The following PKHD1L1 variants were observed in gnomAD, a reference collection of about 807,000 sequenced individuals.
PKHD1L1 encodes fibrocystin-L.
In PKHD1L1, 434 loss-of-function variants were observed where a neutral mutation model predicts 462.9. The ratio of observed to expected loss-of-function variants is 0.94; its 90% CI spans 0.87 to 1.02. The LOEUF is 1.02. Among genes scored for constraint, PKHD1L1 ranks in the 50% least tolerant of loss-of-function variants. The probability of loss-of-function intolerance (pLI) is 0.00; values close to 1 mark genes in which losing one functional copy is unlikely to be tolerated. For missense variants in PKHD1L1, 5,202 were observed against 5,096.1 expected (o/e 1.02, Z -0.63); for synonymous variants, 1,781 against 1,750.0 (o/e 1.02, Z -0.44).
At position 109,459,614 on chromosome 8, in the gene PKHD1L1, G is replaced by GA; in HGVS notation, c.7030dup (p.Met2344AsnfsTer9). 6.4e-7 allele frequency: 1 copy of GA among 1,566,414 alleles called. No homozygotes were observed. Among genetic ancestry groups the GA allele is most frequent in the Non-Finnish European group, 8.7e-7 (1 of 1,154,768 alleles). On this transcript the variant is annotated frameshift_variant, in exon 47 of 78. Transcript: ENST00000378402. LOFTEE classifies it high-confidence loss of function. ...TTACAGACACAGTCAAGGAGAGAAT[G>GA]AAAAAATGACCATTGCATCTGTGTC...
intron 33 of PKHD1L1, 129 bp downstream of exon 33, chr8:109,440,981 GTGTA>G (rs1586517324): frequency 2.6e-6 from 3 of 1,163,502 alleles, no homozygotes; most frequent in East Asian, 4.8e-5. Context: ...AAAAAGGTAA[GTGTA>G]TTTGGTTAAA....
Position 109,385,628 on chromosome 8 carries a change from G to T in PKHD1L1, c.567G>T (p.Leu189Phe). ...LSSNGKNVRI[L>F]RVYIGGMPCE... Reference sequence around the variant, plus strand: ...CAAATGGGAAAAATGTTAGGATTTTGAGGTAATCTTTTGATGTGGAAATAT... The same window carrying T: ...CAAATGGGAAAAATGTTAGGATTTTTAGGTAATCTTTTGATGTGGAAATAT... The change falls in exon 6 of 78, where the codon TTG (leucine) becomes TTT (phenylalanine). Residue 189 changes from leucine to phenylalanine, a missense_variant and splice_region_variant. Coordinates refer to ENST00000378402, the MANE Select transcript of PKHD1L1 (RefSeq NM_177531.6). The T allele has an allele frequency of 1.9e-6, 3 of 1,558,016 alleles. No homozygotes were observed. Among genetic ancestry groups the T allele is most frequent in the Non-Finnish European group, 2.6e-6 (3 of 1,135,458 alleles).
At position 109,491,865 on chromosome 8, in the gene PKHD1L1, T is replaced by C; in HGVS notation, c.10115-8T>C. On this transcript the variant is annotated splice_polypyrimidine_tract_variant and splice_region_variant and intron_variant, in intron 61 of 77. Transcript: ENST00000378402. ...GGATTTTCTTTCTTTTTTTCTTTTT[T>C]TAAACAGGCATAAGAATATGGGGGA... is the stretch of plus-strand genomic sequence containing the variant. 1.3e-6 allele frequency: 2 copies of C among 1,544,636 alleles called. No individual in the cohort carries two copies. The highest frequency in any genetic ancestry group is 1.8e-6 in the Non-Finnish European group (2 of 1,141,974).
intron 21 of PKHD1L1, 107 bp downstream of exon 21, chr8:109,413,652 G>T: frequency 1.1e-6 from 1 of 923,410 alleles, no homozygotes; most frequent in African/African-American, 1.7e-5. Flanking sequence ...TGTTTGGGGA[G>T]ATGAGGGCAA....
At chr8:109,367,914 A>G (rs1042862226) in intron 2 of PKHD1L1, among the ~76,000 whole-genome samples, 1 of 152,196 alleles carries the variant, frequency 6.6e-6, no homozygotes. Context: ...AAAACAAAAT[A>G]AAACCTCACA....
Position 109,471,138 on chromosome 8 carries a change from C to G in PKHD1L1, c.8606-3980C>G, listed in dbSNP as rs929132973. 7 of 1,366,436 alleles carry G rather than the reference C, an allele frequency of 5.1e-6. No homozygotes were observed. The Admixed American group carries it at 1.3e-4, about 25-fold the overall frequency. The allele number at this position is 1,366,436 out of a possible 1,614,324, so 84.6% of individuals were successfully genotyped here. ...ACTAAAACACTCAGCAGACATTTACCTTTGTATTCTTCATGAAATGTGTTT... is the reference window on the plus strand; with the variant it reads ...ACTAAAACACTCAGCAGACATTTACGTTTGTATTCTTCATGAAATGTGTTT... On this transcript the variant is annotated intron_variant, in intron 50 of 77. Transcript: ENST00000378402.
At chr8:109,504,201 C>T in intron 67 of PKHD1L1, 126 bp from the exon 68 acceptor site, 2 of 544,160 alleles carry the variant, frequency 3.7e-6, no homozygotes, top group Non-Finnish European at 6.1e-6. Flanking sequence ...GACTTATTTA[C>T]CATATCAGGC....
At chr8:109,503,528 T>G (rs1272498194) in intron 67 of PKHD1L1, among the ~76,000 whole-genome samples, 1 of 152,222 alleles carries the variant, frequency 6.6e-6, no homozygotes, top group Non-Finnish European at 1.5e-5. Context: ...GGGGCATAGA[T>G]AAAACATAAC....
At chr8:109,466,925 T>C (rs139345453) in intron 50 of PKHD1L1, among the ~76,000 whole-genome samples, 156 bp downstream of exon 50, 385 of 152,182 alleles carry the variant, frequency 2.5e-3, no homozygotes, top group Non-Finnish European at 4.5e-3. Context: ...ACTCTCGAAG[T>C]AGGTGTTTGA....
chr8:109,529,587 T>C (rs1255256774), intron 77 of PKHD1L1, among the ~76,000 whole-genome samples: 1 of 152,196 alleles, frequency 6.6e-6, no homozygotes, highest in Admixed American at 6.5e-5. Context: ...ACCAAATTAA[T>C]ATAATTCTAT....
At chr8:109,499,967 T>C (rs1819317996) in intron 67 of PKHD1L1, among the ~76,000 whole-genome samples, 8 of 152,192 alleles carry the variant, frequency 5.3e-5, no homozygotes, top group Admixed American at 4.6e-4. Context: ...TGGTTACAGC[T>C]GCCCCTATGG....
intron 63 of PKHD1L1, among the ~76,000 whole-genome samples, chr8:109,494,229 A>T (rs1187768324): frequency 1.3e-5 from 2 of 152,022 alleles, no homozygotes; most frequent in Non-Finnish European, 2.9e-5. Flanking sequence ...ATTAAGAGGT[A>T]ACTGAGCATC....
chr8:109,488,508 T>A (rs1818667905), intron 59 of PKHD1L1, among the ~76,000 whole-genome samples: 1 of 152,034 alleles, frequency 6.6e-6, no homozygotes, highest in South Asian at 2.1e-4. Flanking sequence ...TTCCTCCAAG[T>A]AATTCTGGTT....
intron 61 of PKHD1L1, among the ~76,000 whole-genome samples, chr8:109,491,385 A>G (rs1563604308): frequency 2.0e-5 from 3 of 151,826 alleles, no homozygotes; most frequent in Non-Finnish European, 2.9e-5. Context: ...TGGTTATCAT[A>G]TTAGACACTA....
intron 23 of PKHD1L1, 106 bp downstream of exon 23, chr8:109,420,796 CTATT>C (rs2130645604): frequency 1.1e-6 from 1 of 896,458 alleles, no homozygotes; most frequent in South Asian, 2.9e-5. Flanking sequence ...AGACAGCTAA[CTATT>C]CTAAGGTTAT....
chr8:109,497,202 C>A lies in PKHD1L1; in HGVS notation c.10529C>A (p.Ala3510Asp). The part of the protein sequence containing the change: ...YNVTLVDNGM[A>D]IFPMIYMPAA... ...GTGACCCTGGTTGACAATGGAATGG[C>A]CATTTTTCCAATGATTTACATGCCA... Residue 3510 changes from alanine (A) to aspartate (D), a missense_variant, in exon 65 of 78, where the codon GCC (alanine) becomes GAC (aspartate). Coordinates refer to ENST00000378402, the MANE Select transcript of PKHD1L1 (RefSeq NM_177531.6). 6.2e-7 allele frequency: 1 copy of A among 1,613,288 alleles called. No individual in the cohort carries two copies. Among genetic ancestry groups the A allele is most frequent in the Non-Finnish European group, 8.5e-7 (1 of 1,179,522 alleles).
intron 17 of PKHD1L1, among the ~76,000 whole-genome samples, chr8:109,406,980 G>C (rs1404873390): frequency 6.6e-6 from 1 of 151,810 alleles, no homozygotes; most frequent in Non-Finnish European, 1.5e-5. Flanking sequence ...TAATGCAAAC[G>C]TATTTTATAT....
rs1370800860 is a variant in PKHD1L1 at position 109,379,637 on chromosome 8, T to A, written c.164-1733T>A. 3.3e-5 allele frequency among the ~76,000 whole-genome samples: 5 copies of A among 152,218 alleles called. No individual in the cohort carries two copies. The East Asian group carries it at 9.6e-4, about 29-fold the overall frequency. ...GCTGGATATAAAGGGCTGCTTCCCT[T>A]CACCATCACTCCCTGTTATCCAGAA... On this transcript the variant is annotated intron_variant, in intron 2 of 77. Coordinates refer to ENST00000378402, the MANE Select transcript of PKHD1L1 (RefSeq NM_177531.6).
At position 109,412,260 on chromosome 8, in the gene PKHD1L1, G is replaced by T; in HGVS notation, c.2086-5G>T. The T allele has an allele frequency of 6.2e-7, 1 of 1,611,762 alleles. No homozygotes were observed. Among genetic ancestry groups the T allele is most frequent in the Non-Finnish European group, 8.5e-7 (1 of 1,178,974 alleles). ...TTTTCATTTGAAATATTATTGTTTC[G>T]GTAGGAACATATTAACAGAGGGCAG... On this transcript the variant is annotated splice_polypyrimidine_tract_variant and splice_region_variant and intron_variant, in intron 19 of 77. Transcript: ENST00000378402.
Sources: gnomAD v4.1 joint callset for allele counts (sites outside exome capture counted in the v4.1 genomes callset) on GRCh38, gnomAD v4.1.1 for gene constraint, MANE v1.5 for transcripts, NCBI Gene and HGNC (gene_info 2026-07-23, HGNC 2026-07-21) for gene names.